ZC3H3: variants seen among roughly 807,000 people sequenced by gnomAD.
The protein encoded by ZC3H3 is zinc finger CCCH domain-containing protein 3.
A neutral mutation model predicts 77.3 loss-of-function variants in ZC3H3; 36 were observed. That is an observed-to-expected ratio of 0.47 (90% CI 0.36 to 0.61). ZC3H3 has a LOEUF of 0.61. Ranked by LOEUF, ZC3H3 falls within the 20% of genes least tolerant of loss-of-function variation. The pLI is 0.00. For missense variants in ZC3H3, 1,331 were observed against 1,312.2 expected, an observed-to-expected ratio of 1.01 and a Z score of -0.22; for synonymous variants, 626 against 555.2, an observed-to-expected ratio of 1.13 and a Z score of -1.79.
intron 3 of ZC3H3, among the ~76,000 whole-genome samples, chr8:143,517,437 T>C (rs1316306918): frequency 6.6e-6 from 1 of 152,138 alleles, no homozygotes; most frequent in Non-Finnish European, 1.5e-5. Context: ...AAGTTGGGCC[T>C]GTACCCCAGG....
chr8:143,513,003 T>G, intron 3 of ZC3H3, among the ~76,000 whole-genome samples: 1 of 148,680 alleles, frequency 6.7e-6, no homozygotes, highest in Admixed American at 6.7e-5. Context: ...GCCAGAGGAG[T>G]CGGGGCTGCA....
intron 4 of ZC3H3, among the ~76,000 whole-genome samples, chr8:143,480,833 C>A (rs1302304549): frequency 6.6e-6 from 1 of 152,164 alleles, no homozygotes; most frequent in African/African-American, 2.4e-5. Flanking sequence ...ACTGGCATGG[C>A]AGGAAGGCTG....
At chr8:143,517,266 T>C (rs1822088480) in intron 3 of ZC3H3, among the ~76,000 whole-genome samples, 1 of 152,146 alleles carries the variant, frequency 6.6e-6, no homozygotes, top group East Asian at 1.9e-4. Flanking sequence ...TCCTCCCCTC[T>C]TCCCCACGGC....
intron 5 of ZC3H3, among the ~76,000 whole-genome samples, chr8:143,472,901 A>G (rs1321102407): frequency 1.3e-5 from 2 of 151,896 alleles, no homozygotes; most frequent in East Asian, 1.9e-4. Flanking sequence ...AGTGGGGGCC[A>G]CTCCCTGAGT....
At position 143,488,452 on chromosome 8, in the gene ZC3H3, C is replaced by A. The variant is rs1303955266; in HGVS notation, c.1716-12867G>T. Among the ~76,000 whole-genome samples the A allele has an allele frequency of 7.3e-4, 72 of 98,828 alleles. 2 individuals are homozygous for A. The highest frequency in any genetic ancestry group is 2.5e-3 in the African/African-American group (53 of 20,970). The allele number at this position is 98,828 out of a possible 152,430, so 64.8% of individuals were successfully genotyped here. On this transcript the variant is annotated intron_variant, in intron 4 of 11. Transcript: ENST00000262577. ...GCTCACACACAGAACAGCACCCGCT[C>A]CACGACCCCATCACCACGAAGCTCA...
intron 3 of ZC3H3, among the ~76,000 whole-genome samples, chr8:143,535,545 G>C (rs1042766475): frequency 2.0e-5 from 3 of 152,194 alleles, no homozygotes; most frequent in Non-Finnish European, 4.4e-5. Context: ...TGTCTGGGGG[G>C]TGCCACACCC....
chr8:143,538,152 G>A lies in ZC3H3; in HGVS notation c.1215C>T (p.Ser405=). The part of the protein sequence containing the change: ...QSEASSKDHA[S]QLSPVLSRSP... ...ACCTAGACAGGACTGGGGAGAGCTG[G>A]GAGGCATGGTCCTTGCTGCTGGCCT... Residue 405 remains serine (S), a synonymous_variant, in exon 2 of 12, where the codon TCC becomes TCT. Coordinates refer to ENST00000262577, the MANE Select transcript of ZC3H3 (RefSeq NM_015117.3). 1 of 1,613,086 alleles carries A rather than the reference G, an allele frequency of 6.2e-7. No individual in the cohort carries two copies. Among genetic ancestry groups the A allele is most frequent in the Non-Finnish European group, 8.5e-7 (1 of 1,180,016 alleles).
At chr8:143,529,815 A>G (rs1266855589) in intron 3 of ZC3H3, among the ~76,000 whole-genome samples, 1 of 152,164 alleles carries the variant, frequency 6.6e-6, no homozygotes, top group Non-Finnish European at 1.5e-5. Context: ...CAGCTCACAC[A>G]GGCTCTCCCT....
intron 4 of ZC3H3, among the ~76,000 whole-genome samples, chr8:143,498,791 TACAGGGCGGGGCGGAGGGGC>T (rs1438345790): frequency 8.4e-5 from 2 of 23,810 alleles, no homozygotes; most frequent in East Asian, 2.1e-3. Flanking sequence ...GGGCAGGGGG[TACAGGGCGGGGCGGAGGGGC>T]ACAGGGCGGG....
intron 4 of ZC3H3, among the ~76,000 whole-genome samples, chr8:143,502,806 C>T (rs768485377): frequency 6.6e-6 from 1 of 152,200 alleles, no homozygotes; most frequent in Non-Finnish European, 1.5e-5. Flanking sequence ...AGAGCCTCAG[C>T]CTTCAGGGTG....
At chr8:143,516,707 A>G (rs1227211612) in intron 3 of ZC3H3, among the ~76,000 whole-genome samples, 1 of 152,028 alleles carries the variant, frequency 6.6e-6, no homozygotes, top group Non-Finnish European at 1.5e-5. Flanking sequence ...GCTGGGCCCC[A>G]GCACCTCCCC....
At chr8:143,486,268 C>T (rs1047055320) in intron 4 of ZC3H3, among the ~76,000 whole-genome samples, 4 of 152,270 alleles carry the variant, frequency 2.6e-5, no homozygotes, top group East Asian at 1.9e-4. Context: ...TGGGCGCCTA[C>T]GGCTGCCTGG....
intron 4 of ZC3H3, among the ~76,000 whole-genome samples, chr8:143,495,196 C>T (rs1458385059): frequency 6.6e-6 from 1 of 152,120 alleles, no homozygotes; most frequent in Non-Finnish European, 1.5e-5. Context: ...TAATAAAGTG[C>T]GGAACAAGAA....
intron 3 of ZC3H3, among the ~76,000 whole-genome samples, chr8:143,527,338 G>T (rs1472328065): frequency 1.3e-5 from 2 of 152,138 alleles, no homozygotes; most frequent in Non-Finnish European, 2.9e-5. Flanking sequence ...TCAACAAAAG[G>T]AGCAGCCCAA....
intron 4 of ZC3H3, chr8:143,484,856 TC>T (rs1821008055): frequency 6.6e-6 from 3 of 454,704 alleles, no homozygotes; most frequent in South Asian, 4.7e-5. Context: ...GGACAGCCCC[TC>T]CGAAGACCAC....
chr8:143,503,850 C>T (rs1017031050), intron 4 of ZC3H3, among the ~76,000 whole-genome samples: 2 of 152,200 alleles, frequency 1.3e-5, no homozygotes, highest in African/African-American at 4.8e-5. Context: ...CAGAGAAAGC[C>T]GCTGACAGGG....
chr8:143,462,301 G>A lies in ZC3H3; in HGVS notation c.2307+3416C>T, dbSNP rs903555888. On this transcript the variant is annotated intron_variant, in intron 9 of 11. Coordinates refer to ENST00000262577, the MANE Select transcript of ZC3H3 (RefSeq NM_015117.3). This position sits in a 1 kb window ranked among gnomAD's most constrained non-coding sequence, Gnocchi z 4.7. ...CAAGCGACACCCACAGCTGCCTCTT[G>A]AGCCAGCATCAGGCAATGCAGGAGG... is the stretch of plus-strand genomic sequence containing the variant. 6.6e-6 allele frequency among the ~76,000 whole-genome samples: 1 copy of A among 152,214 alleles called. No homozygotes were observed. The highest frequency in any genetic ancestry group is 2.4e-5 in the African/African-American group (1 of 41,444).
rs1311660341 is a variant in ZC3H3 at position 143,533,993 on chromosome 8, T to C, written c.1561+2264A>G. Among the ~76,000 whole-genome samples, 2 of 150,462 alleles carry C rather than the reference T, an allele frequency of 1.3e-5. No homozygotes were observed. Among genetic ancestry groups the C allele is most frequent in the Non-Finnish European group, 3.0e-5 (2 of 67,738 alleles). ...GCCCAGCCTCACGTTGGTCTTTAAC[T>C]ATGAGTTTGGCTGGGCACAGTGGCT... On this transcript the variant is annotated intron_variant, in intron 3 of 11. Coordinates refer to ENST00000262577, the MANE Select transcript of ZC3H3 (RefSeq NM_015117.3). The surrounding 1 kb of genome is among the most constrained non-coding windows in gnomAD (Gnocchi z 4.0).
intron 1 of ZC3H3, among the ~76,000 whole-genome samples, chr8:143,540,075 C>T (rs553019386): frequency 1.3e-5 from 2 of 152,350 alleles, no homozygotes; most frequent in South Asian, 4.1e-4. Flanking sequence ...GTGTTGACGC[C>T]CCAGAGCAGG....
Sources: allele counts gnomAD v4.1 joint callset (sites outside exome capture counted in the v4.1 genomes callset), GRCh38; gene constraint gnomAD v4.1.1; non-coding constraint Gnocchi (gnomAD v3.1); transcripts MANE v1.5; gene names NCBI Gene and HGNC (gene_info 2026-07-23, HGNC 2026-07-21).